ABAT: variants seen among roughly 807,000 people sequenced by gnomAD.
The protein encoded by ABAT is 4-aminobutyrate aminotransferase, mitochondrial.
In ABAT, 45 loss-of-function variants were observed where a neutral mutation model predicts 64.6. That is an observed-to-expected ratio of 0.70 (90% confidence interval 0.55 to 0.89). ABAT has a LOEUF of 0.89. Among genes scored for constraint, ABAT ranks in the 40% least tolerant of loss-of-function variants. The pLI is 0.00. For synonymous variants in ABAT, 297 were observed against 250.5 expected (o/e 1.19, Z -1.75); for missense variants, 633 against 658.4 (o/e 0.96, Z 0.42).
At chr16:8,719,018 C>T (rs573783915) in intron 1 of ABAT, among the ~76,000 whole-genome samples, 1 of 152,080 alleles carries the variant, frequency 6.6e-6, no homozygotes, top group Non-Finnish European at 1.5e-5. Flanking sequence ...TTCTGGAGTC[C>T]GTGAAAGTGG....
intron 5 of ABAT, 100 bp from the exon 6 acceptor site, chr16:8,757,657 T>G (rs780783734): frequency 3.8e-6 from 5 of 1,299,182 alleles, no homozygotes; most frequent in East Asian, 2.3e-5. Flanking sequence ...TTAAAGAGAG[T>G]TGGGGGGTTG....
At chr16:8,701,495 C>T (rs938493938) in intron 1 of ABAT, among the ~76,000 whole-genome samples, 3 of 152,198 alleles carry the variant, frequency 2.0e-5, no homozygotes, top group African/African-American at 4.8e-5. Flanking sequence ...GAACAGTCCC[C>T]GATGGGTTGG....
intron 1 of ABAT, chr16:8,713,452 G>T: frequency 1.8e-5 from 3 of 167,092 alleles, no homozygotes; most frequent in South Asian, 1.5e-4. Flanking sequence ...TCTGTTTATC[G>T]CTCTCCTTCT....
intron 6 of ABAT, 85 bp downstream of exon 6, chr16:8,757,891 T>TTTCA (rs2059692113): frequency 1.4e-6 from 2 of 1,398,774 alleles, no homozygotes; most frequent in Non-Finnish European, 2.0e-6. Flanking sequence ...GCAATAGTCC[T>TTTCA]TTCATTCATT....
intron 1 of ABAT, among the ~76,000 whole-genome samples, chr16:8,689,909 G>T (rs781573477): frequency 3.3e-5 from 5 of 152,192 alleles, no homozygotes; most frequent in Non-Finnish European, 7.3e-5. Flanking sequence ...AGACCTCAAG[G>T]CCTTTAAACT....
At chr16:8,723,014 C>G (rs1352398439) in intron 1 of ABAT, among the ~76,000 whole-genome samples, 3 of 152,124 alleles carry the variant, frequency 2.0e-5, no homozygotes, top group Non-Finnish European at 4.4e-5. Flanking sequence ...CGAGGGATCA[C>G]TTGAGGTCAG....
At chr16:8,767,928 A>C (rs1314155668) in intron 9 of ABAT, among the ~76,000 whole-genome samples, 3 of 151,994 alleles carry the variant, frequency 2.0e-5, no homozygotes, top group African/African-American at 7.2e-5. Flanking sequence ...CGCCTGCCTC[A>C]GCCTTCCAAA....
intron 1 of ABAT, among the ~76,000 whole-genome samples, chr16:8,726,035 T>G (rs987331370): frequency 5.9e-5 from 9 of 152,064 alleles, no homozygotes; most frequent in Admixed American, 1.3e-4. Flanking sequence ...CTATTCTTTC[T>G]AATTTTTTTT....
chr16:8,725,418 T>C (rs78423398), intron 1 of ABAT, among the ~76,000 whole-genome samples: 7,464 of 152,250 alleles, frequency 0.049, 383 homozygotes, highest in African/African-American at 0.13. Flanking sequence ...TTTTCTGTCT[T>C]TGTAGATTCA....
At chr16:8,700,837 C>T (rs544257332) in intron 1 of ABAT, among the ~76,000 whole-genome samples, 2 of 151,854 alleles carry the variant, frequency 1.3e-5, no homozygotes, top group South Asian at 4.2e-4. Flanking sequence ...AGCTCCCTGG[C>T]TCAAGCAGTC....
In ABAT at chr16:8,738,616, G is replaced by GTTTTTTTTT. The variant is rs772511380; in HGVS notation, c.70+2812_70+2813insTTTTTTTTT. On this transcript the variant is annotated intron_variant, in intron 2 of 15. Transcript: ENST00000268251. ...TTTTTTCTTTTTTGTTTTTGTTTTT[G>GTTTTTTTTT]TTTTTGTTTTTGTTTTTTTTTTGGT... 1.4e-4 allele frequency among the ~76,000 whole-genome samples: 16 copies of GTTTTTTTTT among 117,628 alleles called. 4 individuals carry two copies. Among genetic ancestry groups the GTTTTTTTTT allele is most frequent in the East Asian group, 8.0e-4 (3 of 3,736 alleles). 77.2% of individuals were successfully genotyped at this position (117,628 alleles called of 152,430 possible). A position where few individuals can be genotyped will look rare whatever the true frequency, so the allele number is the denominator to read the frequency against.
In ABAT at chr16:8,781,183, G is replaced by A; in HGVS notation, c.1382-126G>A. ...GGAAGGAAGCCCGGGCTTCCATGATGGAGGATGATGGATGGATGGATGGAT... is the reference window on the plus strand; with the variant it reads ...GGAAGGAAGCCCGGGCTTCCATGATAGAGGATGATGGATGGATGGATGGAT... On this transcript the variant is annotated intron_variant, in intron 15 of 15. Transcript: ENST00000268251. The surrounding 1 kb of genome is among the most constrained non-coding windows in gnomAD (Gnocchi z 4.5). 1 of 1,452,734 alleles carries A rather than the reference G, an allele frequency of 6.9e-7. No homozygotes were observed. The highest frequency in any genetic ancestry group is 1.8e-5 in the Admixed American group (1 of 55,948). 90.0% of individuals were successfully genotyped at this position (1,452,734 alleles called of 1,614,324 possible). A position where few individuals can be genotyped will look rare whatever the true frequency, so the allele number is the denominator to read the frequency against.
intron 13 of ABAT, among the ~76,000 whole-genome samples, chr16:8,775,850 GT>G (rs1345554059): frequency 3.9e-5 from 6 of 152,180 alleles, no homozygotes; most frequent in Admixed American, 3.9e-4. Context: ...TGGGAAGGGT[GT>G]TTCAGTTAGC....
chr16:8,728,613 C>T (rs2058627174), intron 1 of ABAT, among the ~76,000 whole-genome samples: 1 of 152,208 alleles, frequency 6.6e-6, no homozygotes, highest in African/African-American at 2.4e-5. Context: ...CAGTGGCTCA[C>T]ACCTGTAATT....
In ABAT at chr16:8,677,730, A is replaced by G. The variant is rs139078750; in HGVS notation, c.-42+3019A>G. On this transcript the variant is annotated intron_variant, in intron 1 of 15. Coordinates refer to ENST00000268251, the MANE Select transcript of ABAT (RefSeq NM_020686.6). ...TGCCAGATGTGCCCTGGGGAGCAAA[A>G]TCATCCTTTTCCTTCGCTATTGAGA... Among the ~76,000 whole-genome samples the G allele has an allele frequency of 2.0e-3, 311 of 152,216 alleles. 1 individual carries two copies. Among genetic ancestry groups the G allele is most frequent in the African/African-American group, 7.0e-3 (292 of 41,532 alleles).
intron 1 of ABAT, among the ~76,000 whole-genome samples, chr16:8,733,114 G>A (rs28568507): frequency 7.3e-6 from 1 of 137,482 alleles, no homozygotes; most frequent in Non-Finnish European, 1.6e-5. Context: ...GCGGCTGGCC[G>A]GGCGGGGGGC....
At chr16:8,702,316 G>T (rs904689907) in intron 1 of ABAT, among the ~76,000 whole-genome samples, 1 of 151,488 alleles carries the variant, frequency 6.6e-6, no homozygotes, top group Non-Finnish European at 1.5e-5. Flanking sequence ...GCAATGGCAC[G>T]ATCTTGGCTC....
At chr16:8,727,180 A>G (rs779211532) in intron 1 of ABAT, among the ~76,000 whole-genome samples, 13 of 152,024 alleles carry the variant, frequency 8.6e-5, no homozygotes, top group Admixed American at 5.9e-4. Flanking sequence ...TTGCTGGAGG[A>G]CAGACCCTTC....
chr16:8,780,829 G>A, intron 15 of ABAT: 1 of 277,532 alleles, frequency 3.6e-6, no homozygotes, highest in Non-Finnish European at 6.9e-6. Flanking sequence ...TAACTGTGAA[G>A]TCACCCTTTA....
Sources: allele counts gnomAD v4.1 joint callset (sites outside exome capture counted in the v4.1 genomes callset), GRCh38; gene constraint gnomAD v4.1.1; non-coding constraint Gnocchi (gnomAD v3.1); transcripts MANE v1.5; gene names NCBI Gene and HGNC (gene_info 2026-07-23, HGNC 2026-07-21).